Variants in MMP16 observed in about 807,000 individuals in gnomAD.
MMP16 encodes the protein matrix metalloproteinase-16.
A neutral mutation model predicts 67.8 loss-of-function variants in MMP16; 12 were observed. The observed-to-expected ratio is 0.18, with a 90% CI of 0.11 to 0.29. MMP16 has a LOEUF of 0.29. MMP16 is among the 10% of genes least tolerant of loss of function. The pLI, the probability that MMP16 is intolerant of heterozygous loss-of-function variation, is 1.00. For missense variants in MMP16, 475 were observed against 765.7 expected, an observed-to-expected ratio of 0.62 and a Z score of 4.48; for synonymous variants, 249 against 255.9, an observed-to-expected ratio of 0.97 and a Z score of 0.26.
At chr8:88,175,889 G>A (rs1283118146) in intron 3 of MMP16, among the ~76,000 whole-genome samples, 2 of 152,224 alleles carry the variant, frequency 1.3e-5, no homozygotes, top group South Asian at 4.1e-4. Context: ...ATTTTATAAA[G>A]AGCACAAGCT....
At chr8:88,168,015 A>C (rs1000687288) in intron 3 of MMP16, 42 bp from the exon 4 acceptor site, 1 of 1,461,740 alleles carries the variant, frequency 6.8e-7, no homozygotes, top group Middle Eastern at 1.8e-4. Context: ...GTTATGTATA[A>C]GCTAACTTAG....
intron 1 of MMP16, among the ~76,000 whole-genome samples, chr8:88,227,375 T>C (rs948517657): frequency 3.3e-5 from 5 of 152,040 alleles, no homozygotes; most frequent in Admixed American, 6.6e-5. Context: ...GACGAAAAAT[T>C]ACCACAGAAA....
At position 88,118,881 on chromosome 8, in the gene MMP16, A is replaced by G; in HGVS notation, c.710-20T>C. 1 of 1,608,712 alleles carries G rather than the reference A, an allele frequency of 6.2e-7. No homozygotes were observed. ...CATTTCCTGTGTGAACAAGAAGAAAATAAGTTTTTGTAACTAATATCCAAA... is the reference window on the plus strand; with the variant it reads ...CATTTCCTGTGTGAACAAGAAGAAAGTAAGTTTTTGTAACTAATATCCAAA... On this transcript the variant is annotated intron_variant, in intron 4 of 9. Coordinates refer to ENST00000286614, the MANE Select transcript of MMP16 (RefSeq NM_005941.5).
rs1276122838 is a variant in MMP16 at position 88,156,717 on chromosome 8, AC to A, written c.709+10951del. On this transcript the variant is annotated intron_variant, in intron 4 of 9. Coordinates refer to ENST00000286614, the MANE Select transcript of MMP16 (RefSeq NM_005941.5). ...GACCAATTGGATTTTTTTTTCAGAAACTTAAAGACATTGTCTATATTGAAAT... is the reference window on the plus strand; with the variant it reads ...GACCAATTGGATTTTTTTTTCAGAAATTAAAGACATTGTCTATATTGAAAT... Among the ~76,000 whole-genome samples the A allele has an allele frequency of 2.6e-5, 4 of 152,164 alleles. No individual in the cohort carries two copies. The East Asian group carries it at 5.8e-4, about 22-fold the overall frequency.
intron 4 of MMP16, among the ~76,000 whole-genome samples, chr8:88,121,590 T>A (rs1200690022): frequency 1.3e-5 from 2 of 151,996 alleles, no homozygotes; most frequent in Non-Finnish European, 2.9e-5. Context: ...TTAATTCACA[T>A]TATTCAAAAT....
chr8:88,265,668 A>G (rs1810465751), intron 1 of MMP16, among the ~76,000 whole-genome samples: 2 of 152,192 alleles, frequency 1.3e-5, no homozygotes, highest in Non-Finnish European at 2.9e-5. Context: ...ATAAACAAGC[A>G]AAGTCCCACG....
intron 4 of MMP16, among the ~76,000 whole-genome samples, chr8:88,139,610 C>A (rs1258608716): frequency 6.6e-6 from 1 of 152,008 alleles, no homozygotes; most frequent in Non-Finnish European, 1.5e-5. Context: ...TTTTTTTACC[C>A]TCTTCTTTAT....
chr8:88,037,076 T>C lies in MMP16; in HGVS notation c.*4385A>G, dbSNP rs1041355630. 1.3e-5 allele frequency: 2 copies of C among 150,962 alleles called. No individual in the cohort carries two copies. Among genetic ancestry groups the C allele is most frequent in the African/African-American group, 2.4e-5 (1 of 41,126 alleles). The allele number at this position is 150,962 out of a possible 1,614,324, so 9.4% of individuals were successfully genotyped here. ...TTAGTTAATATGGACACACTATTTA[T>C]TCCACTGTAAGATCCACAAAGTGTG... is the stretch of plus-strand genomic sequence containing the variant. On this transcript the variant is annotated 3_prime_UTR_variant, in exon 10 of 10. Coordinates refer to ENST00000286614, the MANE Select transcript of MMP16 (RefSeq NM_005941.5).
At chr8:88,264,509 A>G (rs1810443991) in intron 1 of MMP16, among the ~76,000 whole-genome samples, 1 of 152,218 alleles carries the variant, frequency 6.6e-6, no homozygotes, top group Non-Finnish European at 1.5e-5. Context: ...CTACAAGTCC[A>G]TATTTTTGAT....
intron 7 of MMP16, among the ~76,000 whole-genome samples, chr8:88,074,375 T>A (rs926165120): frequency 2.6e-5 from 4 of 152,070 alleles, no homozygotes; most frequent in African/African-American, 9.7e-5. Flanking sequence ...TTAAGTCAAA[T>A]CTAAAAGTTC....
chr8:88,154,570 A>T (rs1208354494), intron 4 of MMP16, among the ~76,000 whole-genome samples: 2 of 151,752 alleles, frequency 1.3e-5, no homozygotes, highest in Non-Finnish European at 2.9e-5. Context: ...CTTTGTAGGG[A>T]CATGGATGAA....
At position 88,208,528 on chromosome 8, in the gene MMP16, C is replaced by T. The variant is rs187228079; in HGVS notation, c.133-11222G>A. On this transcript the variant is annotated intron_variant, in intron 1 of 9. Transcript: ENST00000286614. ...GGTGTCAAAGTGGTCTACCTGGCCC[C>T]AAACACAACATCTTATCAGGGGGTC... Among the ~76,000 whole-genome samples, 29 of 152,206 alleles carry T rather than the reference C, an allele frequency of 1.9e-4. 1 individual carries two copies. Among genetic ancestry groups the T allele is most frequent in the African/African-American group, 6.7e-4 (28 of 41,544 alleles).
chr8:88,183,186 G>A (rs1470384580), intron 3 of MMP16, among the ~76,000 whole-genome samples: 2 of 152,168 alleles, frequency 1.3e-5, no homozygotes, highest in Admixed American at 6.5e-5. Context: ...ACAACACAGT[G>A]TAAACTATCA....
intron 6 of MMP16, among the ~76,000 whole-genome samples, chr8:88,105,848 A>C (rs1177148367): frequency 6.6e-6 from 1 of 151,196 alleles, no homozygotes; most frequent in East Asian, 1.9e-4. Flanking sequence ...CCTTGATTAA[A>C]TGTTCAGTGA....
intron 4 of MMP16, among the ~76,000 whole-genome samples, chr8:88,127,402 G>A (rs921843232): frequency 6.6e-6 from 1 of 151,820 alleles, no homozygotes; most frequent in Admixed American, 6.6e-5. Flanking sequence ...AGGTGATGAG[G>A]GCTAAGGTAG....
At chr8:88,100,171 T>G (rs1255942069) in intron 6 of MMP16, among the ~76,000 whole-genome samples, 6 of 151,982 alleles carry the variant, frequency 3.9e-5, no homozygotes, top group Admixed American at 3.9e-4. Context: ...GCCATGCCTA[T>G]GTCCTGAATG....
intron 3 of MMP16, among the ~76,000 whole-genome samples, chr8:88,176,562 C>A (rs1013402456): frequency 6.6e-6 from 1 of 152,146 alleles, no homozygotes; most frequent in Admixed American, 6.5e-5. Context: ...ATTTTAGTTC[C>A]ATTACTACTT....
Position 88,034,763 on chromosome 8 carries a change from T to C in MMP16, c.*6698A>G, listed in dbSNP as rs746019220. Reference sequence around the variant, plus strand: ...TATGTAACGGCAAATGAAACATGCATCCTAGTGACTTTTCAAATAGACAGC... The same window carrying C: ...TATGTAACGGCAAATGAAACATGCACCCTAGTGACTTTTCAAATAGACAGC... On this transcript the variant is annotated 3_prime_UTR_variant, in exon 10 of 10. Coordinates refer to ENST00000286614, the MANE Select transcript of MMP16 (RefSeq NM_005941.5). The C allele has an allele frequency of 7.9e-5, 12 of 151,962 alleles. No homozygotes were observed. The highest frequency in any genetic ancestry group is 1.6e-4 in the Non-Finnish European group (11 of 67,940). 9.4% of individuals were successfully genotyped at this position (151,962 alleles called of 1,614,324 possible).
At chr8:88,081,600 G>T (rs1808752821) in intron 6 of MMP16, among the ~76,000 whole-genome samples, 1 of 152,018 alleles carries the variant, frequency 6.6e-6, no homozygotes, top group Admixed American at 6.6e-5. Context: ...AGAATTAAAA[G>T]AAAAGATTGA....
Sources: gnomAD v4.1 joint callset for allele counts (sites outside exome capture counted in the v4.1 genomes callset) on GRCh38, gnomAD v4.1.1 for gene constraint, MANE v1.5 for transcripts, NCBI Gene and HGNC (gene_info 2026-07-23, HGNC 2026-07-21) for gene names.